UMAD1: variants seen among roughly 807,000 people sequenced by gnomAD.
UMAD1 encodes the protein UBAP1-MVB12-associated (UMA)-domain containing protein 1.
In UMAD1, 8 loss-of-function variants were observed where a neutral mutation model predicts 6.1. That is an observed-to-expected ratio of 1.30 (90% CI 0.76 to 2.35). UMAD1 has a LOEUF of 2.35. UMAD1 is among the 30% of genes most tolerant of loss of function. The pLI, the probability that UMAD1 is intolerant of heterozygous loss-of-function variation, is 0.00. For synonymous variants in UMAD1, 56 were observed against 31.4 expected (o/e 1.78, Z -2.61); for missense variants, 130 against 78.4 (o/e 1.66, Z -2.49).
At chr7:7,785,542 A>T (rs890492645) in intron 2 of UMAD1, among the ~76,000 whole-genome samples, 1 of 152,212 alleles carries the variant, frequency 6.6e-6, no homozygotes, top group South Asian at 2.1e-4. Flanking sequence ...TAATTGTGGG[A>T]TGGGGCAAAG....
intron 3 of UMAD1, among the ~76,000 whole-genome samples, chr7:7,802,421 G>C (rs1782822485): frequency 6.6e-6 from 1 of 151,482 alleles, no homozygotes; most frequent in Non-Finnish European, 1.5e-5. Context: ...TGCCTTACTA[G>C]TTCCAGCATC....
chr7:7,722,243 C>A (rs886072709), intron 2 of UMAD1, among the ~76,000 whole-genome samples: 1 of 150,880 alleles, frequency 6.6e-6, no homozygotes, highest in Non-Finnish European at 1.5e-5. Flanking sequence ...CTCCAGTGAA[C>A]CCTGACTAAT....
At chr7:7,662,634 T>C (rs1785504268) in intron 1 of UMAD1, among the ~76,000 whole-genome samples, 1 of 152,164 alleles carries the variant, frequency 6.6e-6, no homozygotes, top group Admixed American at 6.5e-5. Flanking sequence ...TTCGCCCTCC[T>C]TGGGCTGCAC....
chr7:7,858,799 C>G (rs1158574026), intron 3 of UMAD1, among the ~76,000 whole-genome samples: 2 of 152,214 alleles, frequency 1.3e-5, no homozygotes, highest in Non-Finnish European at 2.9e-5. Flanking sequence ...CTCACACTTT[C>G]ACTTCTTGTA....
intron 3 of UMAD1, among the ~76,000 whole-genome samples, chr7:7,853,438 C>T (rs1783956856): frequency 6.6e-6 from 1 of 152,056 alleles, no homozygotes; most frequent in Admixed American, 6.6e-5. Context: ...TCTTCTGATA[C>T]ATGAGCGTGG....
intron 3 of UMAD1, among the ~76,000 whole-genome samples, chr7:7,850,381 G>A (rs748422806): frequency 3.3e-5 from 5 of 151,940 alleles, no homozygotes; most frequent in Non-Finnish European, 7.4e-5. Flanking sequence ...ACATGAACAA[G>A]CTAAGCTCTT....
At chr7:7,642,683 G>C (rs1213636357) in intron 1 of UMAD1, among the ~76,000 whole-genome samples, 2 of 152,122 alleles carry the variant, frequency 1.3e-5, no homozygotes, top group Non-Finnish European at 2.9e-5. Flanking sequence ...TAGCCGATTT[G>C]CATAGTTTTG....
chr7:7,730,665 T>C (rs1781229790), intron 2 of UMAD1, among the ~76,000 whole-genome samples: 1 of 152,136 alleles, frequency 6.6e-6, no homozygotes, highest in Non-Finnish European at 1.5e-5. Flanking sequence ...GTTTAAATAA[T>C]AGGCATGTAC....
intron 2 of UMAD1, among the ~76,000 whole-genome samples, chr7:7,756,310 G>T (rs1291556416): frequency 6.6e-6 from 1 of 152,202 alleles, no homozygotes; most frequent in Non-Finnish European, 1.5e-5. Flanking sequence ...TCAGAGAGTT[G>T]AGAATTAAAG....
chr7:7,863,558 G>A (rs1373619469), intron 3 of UMAD1, among the ~76,000 whole-genome samples: 4 of 152,040 alleles, frequency 2.6e-5, no homozygotes, highest in Non-Finnish European at 4.4e-5. Flanking sequence ...CTTTACTTCG[G>A]TTTTTGTTTT....
chr7:7,808,937 T>C (rs949568458), intron 3 of UMAD1, among the ~76,000 whole-genome samples: 7 of 151,906 alleles, frequency 4.6e-5, no homozygotes, highest in Admixed American at 3.9e-4. Flanking sequence ...GATACTCCTG[T>C]GGTTATACTG....
chr7:7,655,306 G>A (rs541851424), intron 1 of UMAD1, among the ~76,000 whole-genome samples: 2 of 152,250 alleles, frequency 1.3e-5, no homozygotes, highest in South Asian at 4.1e-4. Context: ...TTTCATGTTT[G>A]AAATCCACGT....
At position 7,803,293 on chromosome 7, in the gene UMAD1, T is replaced by C. The variant is rs187184973; in HGVS notation, c.156+1550T>C. Among the ~76,000 whole-genome samples the C allele has an allele frequency of 3.0e-3, 454 of 152,276 alleles. 4 individuals carry two copies. The highest frequency in any genetic ancestry group is 5.1e-3 in the Non-Finnish European group (348 of 68,020). On this transcript the variant is annotated intron_variant, in intron 3 of 3. Transcript: ENST00000682710. Reference sequence around the variant, plus strand: ...GAGTTTGAGACCGGCCTGGGCAACATTGAGAGACTCATCTCTACAAAAAAT... The same window carrying C: ...GAGTTTGAGACCGGCCTGGGCAACACTGAGAGACTCATCTCTACAAAAAAT...
intron 2 of UMAD1, among the ~76,000 whole-genome samples, chr7:7,732,454 T>C (rs1781277240): frequency 6.6e-6 from 1 of 152,186 alleles, no homozygotes; most frequent in Admixed American, 6.5e-5. Context: ...TTTAAAAATT[T>C]CCATGTTAAC....
chr7:7,716,583 C>G (rs908972652), intron 2 of UMAD1, among the ~76,000 whole-genome samples: 6 of 152,160 alleles, frequency 3.9e-5, no homozygotes, highest in African/African-American at 1.2e-4. Flanking sequence ...TCACCACGTG[C>G]ACAGTAAAGA....
chr7:7,753,362 C>T (rs189326216), intron 2 of UMAD1, among the ~76,000 whole-genome samples: 1 of 152,208 alleles, frequency 6.6e-6, no homozygotes, highest in Non-Finnish European at 1.5e-5. Context: ...AATATTTGGT[C>T]ATATTGATTC....
At chr7:7,760,251 A>G (rs1015802445) in intron 2 of UMAD1, among the ~76,000 whole-genome samples, 2 of 151,944 alleles carry the variant, frequency 1.3e-5, no homozygotes, top group South Asian at 2.1e-4. Flanking sequence ...TTTTCTGACT[A>G]CCAGTACCCT....
chr7:7,744,941 A>G (rs1563172757), intron 2 of UMAD1, among the ~76,000 whole-genome samples: 1 of 152,162 alleles, frequency 6.6e-6, no homozygotes, highest in Non-Finnish European at 1.5e-5. Flanking sequence ...CACAGTCGGA[A>G]ATCTGTGTAT....
intron 1 of UMAD1, among the ~76,000 whole-genome samples, chr7:7,669,753 G>A (rs999705264): frequency 2.0e-5 from 3 of 152,294 alleles, no homozygotes; most frequent in Middle Eastern, 3.4e-3. Flanking sequence ...TGATAGACAC[G>A]AGGGTGACTG....
Sources: gnomAD v4.1 joint callset for allele counts (sites outside exome capture counted in the v4.1 genomes callset) on GRCh38, gnomAD v4.1.1 for gene constraint, MANE v1.5 for transcripts, NCBI Gene and HGNC (gene_info 2026-07-23, HGNC 2026-07-21) for gene names.